C2orf92: variants seen among roughly 807,000 people sequenced by gnomAD.
C2orf92 encodes the protein uncharacterized protein C2orf92.
upstream of C2orf92, chr2:97,665,715 CTCTCTCTCTCTCTCTCTCTCTCTATA>C (rs1675193188): frequency 4.3e-5 from 2 of 46,230 alleles, no homozygotes; most frequent in East Asian, 7.4e-4. Flanking sequence ...CTCTCTCTCT[CTCTCTCTCTCTCTCTCTCTCTCTATA>C]TATATATATA....
At chr2:97,691,239 A>G (rs1199895578) in intron 5 of C2orf92, 2 of 152,324 alleles carry the variant, frequency 1.3e-5, no homozygotes, top group African/African-American at 4.8e-5. Flanking sequence ...AGCAGATCAG[A>G]ATGTTTATTC....
At chr2:97,682,150 A>G (rs1026175475) in intron 3 of C2orf92, among the ~76,000 whole-genome samples, 4 of 152,194 alleles carry the variant, frequency 2.6e-5, no homozygotes, top group Non-Finnish European at 5.9e-5. Context: ...TTTTCTGGAA[A>G]TAGAAAGCAT....
In C2orf92 at chr2:97,674,432, A is replaced by ATGCCTTTGTT. The variant is rs1225128033; in HGVS notation, c.47-20_47-11dup. ...TTAGCAAAATATTGCTGATATTAAC[A>ATGCCTTTGTT]TGCCTTTGTTTGCTTCACTGGAGAT... On this transcript the variant is annotated intron_variant, in intron 1 of 7. Coordinates refer to ENST00000627399, the MANE Select transcript of C2orf92 (RefSeq NM_001351368.2). The ATGCCTTTGTT allele has an allele frequency of 6.5e-5, 26 of 398,594 alleles. No individual in the cohort carries two copies. The East Asian group carries it at 9.3e-4, about 14-fold the overall frequency. 24.7% of individuals were successfully genotyped at this position (398,594 alleles called of 1,614,324 possible). A position where few individuals can be genotyped will look rare whatever the true frequency, so the allele number is the denominator to read the frequency against.
At position 97,687,272 on chromosome 2, in the gene C2orf92, C is replaced by T. The variant is rs150278383; in HGVS notation, c.233-1623C>T. Among the ~76,000 whole-genome samples the T allele has an allele frequency of 5.9e-3, 894 of 152,066 alleles. 34 individuals are homozygous for T. In the East Asian group the frequency reaches 0.093, roughly 16 times the overall value. ...GTCTCAGCTACTCAGGAGGCTGAGG[C>T]GGGAGGATTGCTTGAGGCCAAGAGT... On this transcript the variant is annotated intron_variant, in intron 3 of 7. Coordinates refer to ENST00000627399, the MANE Select transcript of C2orf92 (RefSeq NM_001351368.2).
At chr2:97,667,273 T>A (rs1344238013), upstream of C2orf92, among the ~76,000 whole-genome samples, 3 of 150,782 alleles carry the variant, frequency 2.0e-5, no homozygotes, top group South Asian at 2.1e-4. Flanking sequence ...TTTTTATTTT[T>A]TTTTTTTTTG....
chr2:97,665,520 G>C (rs1675176195), upstream of C2orf92, among the ~76,000 whole-genome samples: 1 of 152,058 alleles, frequency 6.6e-6, no homozygotes, highest in Admixed American at 6.5e-5. Flanking sequence ...CAGAAAGCAA[G>C]AGGGGGAACA....
intron 3 of C2orf92, among the ~76,000 whole-genome samples, chr2:97,686,954 G>A (rs562007304): frequency 1.3e-5 from 2 of 151,926 alleles, no homozygotes; most frequent in South Asian, 2.1e-4. Context: ...GCAGGCACAG[G>A]TTACAGTGAG....
chr2:97,700,366 G>T (rs1261114868), intron 6 of C2orf92, among the ~76,000 whole-genome samples: 1 of 152,162 alleles, frequency 6.6e-6, no homozygotes, highest in African/African-American at 2.4e-5. Context: ...AGGGGGCAGA[G>T]GAGGGGAAGC....
intron 1 of C2orf92, chr2:97,671,759 C>G (rs1015172821): frequency 2.9e-6 from 1 of 342,008 alleles, no homozygotes; most frequent in Non-Finnish European, 5.2e-6. Context: ...CCACCTCACA[C>G]TAGCTGTGAC....
intron 3 of C2orf92, among the ~76,000 whole-genome samples, chr2:97,682,243 A>G (rs567952907): frequency 1.1e-4 from 17 of 152,334 alleles, no homozygotes; most frequent in Non-Finnish European, 1.8e-4. Context: ...GAAGCACACG[A>G]ACTACCAAAA....
At chr2:97,700,681 C>T (rs765577299) in intron 6 of C2orf92, among the ~76,000 whole-genome samples, 1 of 152,090 alleles carries the variant, frequency 6.6e-6, no homozygotes, top group Non-Finnish European at 1.5e-5. Flanking sequence ...CAGCCAGTTC[C>T]TTCCCAAGAG....
Position 97,699,141 on chromosome 2 carries a change from G to A in C2orf92, c.514+5G>A, listed in dbSNP as rs1676410724. On this transcript the variant is annotated splice_donor_5th_base_variant and intron_variant, in intron 6 of 7. Transcript: ENST00000627399. ...TTCAAGGAGCAGCTAAACCAGGTGG[G>A]AATCTATATGGCCTATAAACTAAGT... 1 of 398,576 alleles carries A rather than the reference G, an allele frequency of 2.5e-6. No homozygotes were observed. The highest frequency in any genetic ancestry group is 3.6e-5 in the East Asian group (1 of 28,062). 24.7% of individuals were successfully genotyped at this position (398,576 alleles called of 1,614,324 possible).
intron 1 of C2orf92, 47 bp downstream of exon 1, chr2:97,669,881 C>T: frequency 2.5e-6 from 1 of 398,594 alleles, no homozygotes; most frequent in Non-Finnish European, 4.4e-6. Context: ...TCACTTCAAG[C>T]CTAAGTGGGG....
chr2:97,679,620 T>G (rs1299292187), intron 3 of C2orf92, among the ~76,000 whole-genome samples: 1 of 151,728 alleles, frequency 6.6e-6, no homozygotes, highest in East Asian at 1.9e-4. Flanking sequence ...GGTGGGGGGA[T>G]CACCTGAGGT....
upstream of C2orf92, chr2:97,664,044 T>G: frequency 6.1e-6 from 2 of 326,384 alleles, no homozygotes; most frequent in Non-Finnish European, 1.1e-5. Context: ...CGGGGCTTTC[T>G]GGAGGGCGGG....
upstream of C2orf92, chr2:97,664,101 G>T (rs930732557): frequency 3.6e-6 from 1 of 276,908 alleles, no homozygotes; most frequent in African/African-American, 2.2e-5. Flanking sequence ...GACAGCAGGT[G>T]CCCGGGGCTG....
At chr2:97,693,540 A>T in intron 5 of C2orf92, among the ~76,000 whole-genome samples, 1 of 152,244 alleles carries the variant, frequency 6.6e-6, no homozygotes, top group Non-Finnish European at 1.5e-5. Flanking sequence ...GGAACTAATC[A>T]TATGATTCTT....
intron 3 of C2orf92, among the ~76,000 whole-genome samples, chr2:97,677,940 C>T (rs961327568): frequency 6.6e-6 from 1 of 152,278 alleles, no homozygotes; most frequent in African/African-American, 2.4e-5. Context: ...TTGGCACATG[C>T]CTGTAATCCC....
At chr2:97,685,463 C>T (rs1425747606) in intron 3 of C2orf92, among the ~76,000 whole-genome samples, 1 of 151,932 alleles carries the variant, frequency 6.6e-6, no homozygotes, top group Non-Finnish European at 1.5e-5. Context: ...AACGGGGTTT[C>T]ACTGTGTTAG....
Sources: gnomAD v4.1 joint callset for allele counts (sites outside exome capture counted in the v4.1 genomes callset) on GRCh38, gnomAD v4.1.1 for gene constraint, MANE v1.5 for transcripts, NCBI Gene and HGNC (gene_info 2026-07-23, HGNC 2026-07-21) for gene names.